The following ROCK2 variants were observed in gnomAD, a reference collection of about 807,000 sequenced individuals.
The protein encoded by ROCK2 is Rho associated coiled-coil containing protein kinase 2, also known as rho-associated protein kinase 2.
A neutral mutation model predicts 195.1 loss-of-function variants in ROCK2; 61 were observed. The observed-to-expected ratio is 0.31, with a 90% CI of 0.25 to 0.39. The LOEUF (loss-of-function observed/expected upper bound fraction) is 0.39. Ranked by LOEUF, ROCK2 falls within the 10% of genes least tolerant of loss-of-function variation. The pLI, the probability that ROCK2 is intolerant of heterozygous loss-of-function variation, is 1.00. For synonymous variants in ROCK2, 504 were observed against 545.5 expected (o/e 0.92, Z 1.06); for missense variants, 1,109 against 1,637.4 (o/e 0.68, Z 5.57).
chr2:11,237,986 G>GC (rs1558316925), intron 4 of ROCK2, among the ~76,000 whole-genome samples: 1 of 152,222 alleles, frequency 6.6e-6, no homozygotes, highest in Admixed American at 6.5e-5. Flanking sequence ...GCTGAGGTGG[G>GC]AGAATTGCTG....
Position 11,179,769 on chromosome 2 carries a change from T to C in ROCK2, c.*3668A>G, listed in dbSNP as rs1002385473. On this transcript the variant is annotated 3_prime_UTR_variant, in exon 33 of 33. Coordinates refer to ENST00000315872, the MANE Select transcript of ROCK2 (RefSeq NM_004850.5). ...TTCACAGGAGAAGTATGAAAATGCT[T>C]ATGTCTCCATTTATTTTATTTTATT... 2 of 152,182 alleles carry C rather than the reference T, an allele frequency of 1.3e-5. No homozygotes were observed. Among genetic ancestry groups the C allele is most frequent in the Admixed American group, 1.3e-4 (2 of 15,280 alleles). The allele number at this position is 152,182 out of a possible 1,614,324, so 9.4% of individuals were successfully genotyped here. A position where few individuals can be genotyped will look rare whatever the true frequency, so the allele number is the denominator to read the frequency against.
chr2:11,255,156 G>A (rs765640939), intron 3 of ROCK2, among the ~76,000 whole-genome samples: 15 of 147,572 alleles, frequency 1.0e-4, no homozygotes, highest in Admixed American at 5.4e-4. Context: ...GGCGGAGCTT[G>A]CAGTGAGCGG....
intron 11 of ROCK2, 128 bp from the exon 12 acceptor site, chr2:11,217,297 T>C (rs1405257196): frequency 1.4e-6 from 1 of 739,954 alleles, no homozygotes; most frequent in South Asian, 1.4e-5. Context: ...TGGTACAGTA[T>C]TTGTACCTCC....
intron 1 of ROCK2, among the ~76,000 whole-genome samples, chr2:11,338,702 A>C (rs1572428856): frequency 6.6e-6 from 1 of 152,342 alleles, no homozygotes; most frequent in Non-Finnish European, 1.5e-5. Flanking sequence ...CCAGGTATGC[A>C]TCAACACGAG....
At chr2:11,332,068 A>G (rs1668784001) in intron 1 of ROCK2, among the ~76,000 whole-genome samples, 1 of 152,072 alleles carries the variant, frequency 6.6e-6, no homozygotes, top group South Asian at 2.1e-4. Flanking sequence ...GCTTGAGTCC[A>G]GGAGTTCTAG....
At chr2:11,258,792 G>C (rs1666124547) in intron 3 of ROCK2, among the ~76,000 whole-genome samples, 1 of 150,972 alleles carries the variant, frequency 6.6e-6, no homozygotes, top group Admixed American at 6.6e-5. Context: ...GATAAGTCTA[G>C]GGCTAAGGTA....
intron 3 of ROCK2, among the ~76,000 whole-genome samples, chr2:11,257,916 G>A (rs1240901354): frequency 6.6e-6 from 1 of 151,492 alleles, no homozygotes; most frequent in East Asian, 1.9e-4. Context: ...GGCCCACAGT[G>A]ATTTCTGACA....
chr2:11,219,435 C>T (rs1572260384), intron 9 of ROCK2, among the ~76,000 whole-genome samples: 2 of 151,586 alleles, frequency 1.3e-5, no homozygotes, highest in Non-Finnish European at 1.5e-5. Context: ...TGCTGGAACC[C>T]GGGAGGTGGA....
At chr2:11,262,157 T>G (rs1666249609) in intron 3 of ROCK2, among the ~76,000 whole-genome samples, 1 of 152,174 alleles carries the variant, frequency 6.6e-6, no homozygotes, top group Admixed American at 6.5e-5. Flanking sequence ...AGTGTTTCTC[T>G]TTGTATAGAA....
chr2:11,265,075 A>G (rs542629898), intron 3 of ROCK2, among the ~76,000 whole-genome samples: 1 of 152,048 alleles, frequency 6.6e-6, no homozygotes, highest in Non-Finnish European at 1.5e-5. Context: ...TACAATGGGC[A>G]TAATAGTAAT....
rs1129976 is a variant in ROCK2, at chr2:11,181,754, C to T, written c.*1683G>A. On this transcript the variant is annotated 3_prime_UTR_variant, in exon 33 of 33. Coordinates refer to ENST00000315872, the MANE Select transcript of ROCK2 (RefSeq NM_004850.5). Reference sequence around the variant, plus strand: ...GTTCAAGCGATTCTCCTGTCTCAGCCTCCCAAGTAGCTGGGATTACAGGCC... The same window carrying T: ...GTTCAAGCGATTCTCCTGTCTCAGCTTCCCAAGTAGCTGGGATTACAGGCC... The T allele has an allele frequency of 0.25, 37,368 of 151,150 alleles. 5,335 individuals are homozygous for T. The highest frequency in any genetic ancestry group is 0.54 in the East Asian group (2,755 of 5,098). 9.4% of individuals were successfully genotyped at this position (151,150 alleles called of 1,614,324 possible). A position where few individuals can be genotyped will look rare whatever the true frequency, so the allele number is the denominator to read the frequency against.
At chr2:11,190,868 T>C (rs1389958642) in intron 32 of ROCK2, among the ~76,000 whole-genome samples, 1 of 152,224 alleles carries the variant, frequency 6.6e-6, no homozygotes, top group East Asian at 1.9e-4. Context: ...CAGAAGGCAC[T>C]TGAAATGGCC....
chr2:11,206,763 T>A (rs1424886441), intron 20 of ROCK2, among the ~76,000 whole-genome samples: 2 of 152,360 alleles, frequency 1.3e-5, no homozygotes, highest in East Asian at 1.9e-4. Flanking sequence ...CTAACACTTA[T>A]CATATGATGG....
At chr2:11,266,951 T>C (rs1021925093) in intron 3 of ROCK2, among the ~76,000 whole-genome samples, 5 of 152,186 alleles carry the variant, frequency 3.3e-5, no homozygotes, top group Non-Finnish European at 7.4e-5. Context: ...AAATTAATGA[T>C]AAAAACAAAA....
Position 11,202,042 on chromosome 2 carries a change from T to A in ROCK2, c.2619+10A>T, listed in dbSNP as rs1440648752. 1 of 1,610,294 alleles carries A rather than the reference T, an allele frequency of 6.2e-7. No individual in the cohort carries two copies. The highest frequency in any genetic ancestry group is 8.5e-7 in the Non-Finnish European group (1 of 1,176,668). ...TTTGCTATTTGCAAATTAATGTGTC[T>A]TGAACTTACTGAGAAATACTGTTCT... is the stretch of plus-strand genomic sequence containing the variant. On this transcript the variant is annotated intron_variant, in intron 21 of 32. Transcript: ENST00000315872.
intron 1 of ROCK2, among the ~76,000 whole-genome samples, chr2:11,301,075 T>C (rs1416286691): frequency 3.3e-5 from 5 of 152,076 alleles, no homozygotes; most frequent in Admixed American, 2.0e-4. Context: ...TAAACAAAAA[T>C]TGTAAAAAGC....
At chr2:11,290,332 C>T (rs1372506336) in intron 1 of ROCK2, among the ~76,000 whole-genome samples, 1 of 152,076 alleles carries the variant, frequency 6.6e-6, no homozygotes, top group African/African-American at 2.4e-5. Flanking sequence ...GACACAGTGG[C>T]ACACCCCTGT....
At chr2:11,255,376 C>A (rs1290534065) in intron 3 of ROCK2, among the ~76,000 whole-genome samples, 1 of 150,606 alleles carries the variant, frequency 6.6e-6, no homozygotes. Context: ...AATAACAAAA[C>A]CCCAGAGTCT....
intron 3 of ROCK2, among the ~76,000 whole-genome samples, chr2:11,254,632 C>T (rs1009742132): frequency 2.0e-5 from 3 of 147,634 alleles, no homozygotes; most frequent in East Asian, 4.3e-4. Flanking sequence ...TGGTGGCTCA[C>T]GCCTGTAATC....
Sources: allele counts gnomAD v4.1 joint callset (sites outside exome capture counted in the v4.1 genomes callset), GRCh38; gene constraint gnomAD v4.1.1; transcripts MANE v1.5; gene names NCBI Gene and HGNC (gene_info 2026-07-23, HGNC 2026-07-21).